KLHL1: variants seen among roughly 807,000 people sequenced by gnomAD.
KLHL1 encodes the protein kelch like family member 1.
In KLHL1, 47 loss-of-function variants were observed where a neutral mutation model predicts 77.7. The observed-to-expected ratio is 0.60, with a 90% CI of 0.48 to 0.77. KLHL1 has a LOEUF of 0.77. Among genes scored for constraint, KLHL1 ranks in the 30% least tolerant of loss-of-function variants. The probability of loss-of-function intolerance (pLI) is 0.00; values close to 1 mark genes in which losing one functional copy is unlikely to be tolerated. For synonymous variants in KLHL1, 360 were observed against 325.2 expected (o/e 1.11, Z -1.15); for missense variants, 925 against 910.8 (o/e 1.02, Z -0.20).
intron 3 of KLHL1, among the ~76,000 whole-genome samples, chr13:69,956,400 T>C (rs952854792): frequency 5.3e-5 from 8 of 151,098 alleles, no homozygotes; most frequent in South Asian, 2.1e-4. Flanking sequence ...TAGGCATTAA[T>C]ATGCTTAAAT....
At chr13:69,839,575 TATTTA>T (rs1879161606) in intron 5 of KLHL1, among the ~76,000 whole-genome samples, 1 of 152,020 alleles carries the variant, frequency 6.6e-6, no homozygotes, top group African/African-American at 2.4e-5. Flanking sequence ...AGTGTTCATA[TATTTA>T]ATTTAAAATG....
At chr13:70,102,737 G>C (rs576617583) in intron 1 of KLHL1, among the ~76,000 whole-genome samples, 1 of 152,240 alleles carries the variant, frequency 6.6e-6, no homozygotes, top group African/African-American at 2.4e-5. Context: ...CATTATACCA[G>C]AGGGATACAT....
At chr13:70,041,539 T>C (rs185435081) in intron 1 of KLHL1, among the ~76,000 whole-genome samples, 41 of 152,262 alleles carry the variant, frequency 2.7e-4, no homozygotes, top group African/African-American at 8.4e-4. Flanking sequence ...AGGCTCCCTA[T>C]TTTTGTTTCT....
chr13:69,871,498 A>G (rs1339692780), intron 5 of KLHL1, among the ~76,000 whole-genome samples: 1 of 152,130 alleles, frequency 6.6e-6, no homozygotes, highest in Non-Finnish European at 1.5e-5. Flanking sequence ...TCTCTACCAC[A>G]TGACCAGGCT....
intron 5 of KLHL1, among the ~76,000 whole-genome samples, chr13:69,847,941 A>G (rs1879535118): frequency 6.6e-6 from 1 of 151,590 alleles, no homozygotes; most frequent in African/African-American, 2.4e-5. Context: ...TCTAATACAA[A>G]TAAAATAATT....
rs770930151 is a variant in KLHL1, at chr13:69,707,785, T to C, written c.2027A>G (p.Lys676Arg). 8 of 1,612,114 alleles carry C rather than the reference T, an allele frequency of 5.0e-6. No individual in the cohort carries two copies. The highest frequency in any genetic ancestry group is 2.2e-5 in the South Asian group (2 of 91,008). ...AGCCACCATGGTCCAAGTGTCTGTT[T>C]TGGGATCATATCTAAAATTCAATGA... ...LLDYVERYDPKTDTWTMVAPL... is the reference protein window; with the variant it reads ...LLDYVERYDPRTDTWTMVAPL... Residue 676 changes from lysine to arginine, a missense_variant, in exon 10 of 11, where the codon AAA becomes AGA. Physicochemically the swap from Lys to Arg is conservative, Grantham distance 26. Coordinates refer to ENST00000377844, the MANE Select transcript of KLHL1 (RefSeq NM_020866.3).
intron 5 of KLHL1, among the ~76,000 whole-genome samples, chr13:69,864,072 T>A (rs1880275661): frequency 6.6e-6 from 1 of 151,982 alleles, no homozygotes; most frequent in Non-Finnish European, 1.5e-5. Context: ...ACCCAGTCAA[T>A]GTTATTCTGA....
At chr13:69,907,550 A>G (rs537501886) in intron 4 of KLHL1, among the ~76,000 whole-genome samples, 39 of 152,184 alleles carry the variant, frequency 2.6e-4, no homozygotes, top group African/African-American at 8.4e-4. Context: ...CTAGATATTG[A>G]AAGTCATGGG....
chr13:69,816,142 A>T (rs2138070519), intron 6 of KLHL1, among the ~76,000 whole-genome samples: 2 of 152,202 alleles, frequency 1.3e-5, no homozygotes, highest in African/African-American at 4.8e-5. Context: ...ATTAGAAGAT[A>T]TATAATTTTG....
rs570318332 is a variant in KLHL1 at position 69,849,396 on chromosome 13, T to C, written c.1228-10234A>G. 1.9e-3 allele frequency among the ~76,000 whole-genome samples: 293 copies of C among 151,674 alleles called. 3 individuals carry two copies. The highest frequency in any genetic ancestry group is 6.6e-3 in the African/African-American group (274 of 41,518). ...TTCCCCAATACCCTGAAGCACGTTA[T>C]TCTACATTTTATATGTTAGCTCTTC... On this transcript the variant is annotated intron_variant, in intron 5 of 10. Transcript: ENST00000377844.
intron 1 of KLHL1, among the ~76,000 whole-genome samples, chr13:70,032,722 A>G (rs1340112931): frequency 6.6e-6 from 1 of 152,212 alleles, no homozygotes; most frequent in East Asian, 1.9e-4. Flanking sequence ...ATGCATTTAG[A>G]AACACATCAA....
At chr13:69,716,957 G>T (rs144148687) in intron 9 of KLHL1, among the ~76,000 whole-genome samples, 50 of 152,044 alleles carry the variant, frequency 3.3e-4, no homozygotes, top group African/African-American at 1.2e-3. Context: ...ACTAGGGTGA[G>T]GCTCAGTCAG....
intron 8 of KLHL1, among the ~76,000 whole-genome samples, chr13:69,724,001 A>G (rs1593774671): frequency 6.6e-6 from 1 of 151,636 alleles, no homozygotes; most frequent in Non-Finnish European, 1.5e-5. Context: ...CCACGCCTGG[A>G]TAATTTTTGT....
chr13:69,879,041 A>ACACTC (rs1233091193), intron 5 of KLHL1, among the ~76,000 whole-genome samples: 1 of 152,126 alleles, frequency 6.6e-6, no homozygotes, highest in African/African-American at 2.4e-5. Context: ...CATAGGTGGG[A>ACACTC]ATTGAACAAT....
chr13:69,987,081 T>A (rs1171068854), intron 1 of KLHL1, among the ~76,000 whole-genome samples: 1 of 152,010 alleles, frequency 6.6e-6, no homozygotes, highest in Non-Finnish European at 1.5e-5. Flanking sequence ...AAATTTATTA[T>A]ATATCATCTA....
intron 9 of KLHL1, among the ~76,000 whole-genome samples, chr13:69,711,625 C>A (rs1189906592): frequency 7.9e-5 from 12 of 152,006 alleles, no homozygotes; most frequent in Non-Finnish European, 1.6e-4. Flanking sequence ...AATTTCAATA[C>A]AAATTATTTG....
In KLHL1 at chr13:69,796,962, C is replaced by T. The variant is rs1877135032; in HGVS notation, c.1415G>A (p.Gly472Glu). Residue 472 changes from glycine to glutamate, a missense_variant and splice_region_variant, in exon 7 of 11, where the codon GGA becomes GAA. Physicochemically the swap from Gly to Glu is moderately conservative, Grantham distance 98. Transcript: ENST00000377844. ...YAVGGMDNNK[G>E]ATTIEKYDLR... Reference sequence around the variant, plus strand: ...ATCATATTTCTCTATAGTTGTAGCTCCTGATAAAACATAAAATCAAAAAGT... The same window carrying T: ...ATCATATTTCTCTATAGTTGTAGCTTCTGATAAAACATAAAATCAAAAAGT... The T allele has an allele frequency of 6.2e-7, 1 of 1,611,946 alleles. No homozygotes were observed. Among genetic ancestry groups the T allele is most frequent in the African/African-American group, 1.3e-5 (1 of 74,928 alleles).
chr13:69,889,662 T>C (rs1881353969), intron 4 of KLHL1, among the ~76,000 whole-genome samples: 1 of 152,018 alleles, frequency 6.6e-6, no homozygotes, highest in Non-Finnish European at 1.5e-5. Context: ...TTATGGGTGA[T>C]TTAATTTGGA....
chr13:69,715,415 G>A (rs559798421), intron 9 of KLHL1, among the ~76,000 whole-genome samples: 28 of 152,152 alleles, frequency 1.8e-4, no homozygotes, highest in Middle Eastern at 3.4e-3. Flanking sequence ...TATAAGACAT[G>A]CCCGCTTCCC....
Sources: gnomAD v4.1 joint callset for allele counts (sites outside exome capture counted in the v4.1 genomes callset) on GRCh38, gnomAD v4.1.1 for gene constraint, MANE v1.5 for transcripts, NCBI Gene and HGNC (gene_info 2026-07-23, HGNC 2026-07-21) for gene names.